CREB5: variants seen among roughly 807,000 people sequenced by gnomAD.
CREB5 encodes cAMP responsive element binding protein 5.
A neutral mutation model predicts 57.1 loss-of-function variants in CREB5; 19 were observed. The observed-to-expected ratio is 0.33, with a 90% CI of 0.23 to 0.49. The LOEUF is 0.49. Among genes scored for constraint, CREB5 ranks in the 20% least tolerant of loss-of-function variants. CREB5 has a pLI of 0.99. For missense variants in CREB5, 579 were observed against 671.6 expected (o/e 0.86, Z 1.52); for synonymous variants, 238 against 238.3 (o/e 1.00, Z 0.01).
chr7:28,772,274 G>A (rs371428414), intron 7 of CREB5, among the ~76,000 whole-genome samples: 58 of 152,222 alleles, frequency 3.8e-4, no homozygotes, highest in Non-Finnish European at 6.8e-4. Flanking sequence ...GCCGAAAACC[G>A]CTGGAAGTTG....
chr7:28,305,370 C>T (rs55989557), intron 1 of CREB5, among the ~76,000 whole-genome samples: 9,642 of 152,302 alleles, frequency 0.063, 394 homozygotes, highest in Middle Eastern at 0.11. Flanking sequence ...GGAAAACCTA[C>T]AGTCCACTAC....
chr7:28,366,005 G>C (rs1786578931), intron 1 of CREB5, among the ~76,000 whole-genome samples: 1 of 152,096 alleles, frequency 6.6e-6, no homozygotes, highest in Non-Finnish European at 1.5e-5. Context: ...CTTTTTAAAT[G>C]TGCCCAGTGA....
At chr7:28,389,377 C>A (rs80222227) in intron 1 of CREB5, among the ~76,000 whole-genome samples, 4,812 of 152,256 alleles carry the variant, frequency 0.032, 260 homozygotes, top group African/African-American at 0.11. Context: ...AAACCAACAA[C>A]AACTACGTGC....
chr7:28,603,777 T>C (rs898873336), intron 5 of CREB5, among the ~76,000 whole-genome samples: 1 of 152,334 alleles, frequency 6.6e-6, no homozygotes. Flanking sequence ...TTATAGCCAG[T>C]GGTGCTTTTA....
intron 5 of CREB5, among the ~76,000 whole-genome samples, chr7:28,715,695 A>T (rs1254074919): frequency 6.6e-6 from 1 of 152,180 alleles, no homozygotes. Flanking sequence ...TTCAAGCAAG[A>T]AACAGAGAGA....
intron 5 of CREB5, among the ~76,000 whole-genome samples, chr7:28,604,225 C>T (rs950290371): frequency 6.6e-6 from 1 of 152,174 alleles, no homozygotes; most frequent in Non-Finnish European, 1.5e-5. Flanking sequence ...GACTAGATCT[C>T]ACCACCTCTG....
intron 1 of CREB5, among the ~76,000 whole-genome samples, chr7:28,336,755 C>T (rs371166518): frequency 6.6e-6 from 1 of 151,366 alleles, no homozygotes; most frequent in Non-Finnish European, 1.5e-5. Context: ...TTTGCTCTTG[C>T]TTTTCTAGTT....
intron 1 of CREB5, among the ~76,000 whole-genome samples, chr7:28,435,199 T>C (rs996180838): frequency 1.3e-5 from 2 of 148,764 alleles, no homozygotes; most frequent in Non-Finnish European, 3.0e-5. Context: ...AACAACGAAA[T>C]GATACCTTCT....
intron 7 of CREB5, among the ~76,000 whole-genome samples, chr7:28,737,570 TATATATATATATA>T (rs1462219685): frequency 3.1e-4 from 15 of 47,978 alleles, no homozygotes; most frequent in African/African-American, 9.8e-4. Context: ...TATATATATA[TATATATATATATA>T]TATATTTTTA....
At chr7:28,790,462 TAGAG>T (rs1242699378) in intron 7 of CREB5, among the ~76,000 whole-genome samples, 10 of 33,922 alleles carry the variant, frequency 2.9e-4, no homozygotes, top group East Asian at 1.8e-3. Flanking sequence ...GAGAGAGAGA[TAGAG>T]AGAGAGAGAA....
chr7:28,474,663 T>G (rs933943025), intron 1 of CREB5, among the ~76,000 whole-genome samples: 1 of 152,178 alleles, frequency 6.6e-6, no homozygotes, highest in Admixed American at 6.5e-5. Flanking sequence ...CTTCCAAACA[T>G]TAACTTGATG....
At chr7:28,678,518 T>G (rs1051733473) in intron 5 of CREB5, among the ~76,000 whole-genome samples, 5 of 152,202 alleles carry the variant, frequency 3.3e-5, no homozygotes, top group Non-Finnish European at 5.9e-5. Flanking sequence ...TATGATCATT[T>G]TATTAAAGTT....
At chr7:28,354,311 A>G (rs1257124560) in intron 1 of CREB5, among the ~76,000 whole-genome samples, 1 of 152,170 alleles carries the variant, frequency 6.6e-6, no homozygotes, top group Admixed American at 6.5e-5. Context: ...GGTGGGCACC[A>G]TCTAATCAGC....
In CREB5 at chr7:28,671,044, G is replaced by A. The variant is rs118007425; in HGVS notation, c.465-47709G>A. Reference sequence around the variant, plus strand: ...TTTGGGAGGCTGAGGCGGGAGGATCGCTTGAGGCAAGGAGTTCGAGACTAG... The same window carrying A: ...TTTGGGAGGCTGAGGCGGGAGGATCACTTGAGGCAAGGAGTTCGAGACTAG... On this transcript the variant is annotated intron_variant, in intron 5 of 10. Transcript: ENST00000357727. Among the ~76,000 whole-genome samples, 572 of 151,980 alleles carry A rather than the reference G, an allele frequency of 3.8e-3. 1 individual carries two copies. Among genetic ancestry groups the A allele is most frequent in the Non-Finnish European group, 4.4e-3 (298 of 67,982 alleles).
intron 4 of CREB5, among the ~76,000 whole-genome samples, chr7:28,543,802 C>T (rs1036691021): frequency 1.3e-5 from 2 of 151,766 alleles, no homozygotes; most frequent in African/African-American, 2.4e-5. Context: ...TGAGGCTGGT[C>T]GGAGTCCACA....
intron 4 of CREB5, among the ~76,000 whole-genome samples, chr7:28,530,979 C>A (rs1291947453): frequency 1.3e-5 from 2 of 152,162 alleles, no homozygotes; most frequent in East Asian, 3.9e-4. Flanking sequence ...GATCAGGAAA[C>A]CTTGACTGTC....
chr7:28,404,501 G>A (rs1330722241), intron 1 of CREB5, among the ~76,000 whole-genome samples: 1 of 152,100 alleles, frequency 6.6e-6, no homozygotes, highest in Non-Finnish European at 1.5e-5. Flanking sequence ...GTGCTCCTGA[G>A]GCATCATGAG....
intron 4 of CREB5, among the ~76,000 whole-genome samples, chr7:28,560,977 T>TGTGCGCGTGCGTGTGTGC (rs1795225504): frequency 2.0e-5 from 1 of 48,988 alleles, no homozygotes; most frequent in African/African-American, 6.4e-5. Flanking sequence ...TGTGTGCGTG[T>TGTGCGCGTGCGTGTGTGC]GTGCGTGCGT....
chr7:28,522,400 T>TG (rs969149004), intron 4 of CREB5, among the ~76,000 whole-genome samples: 11 of 148,882 alleles, frequency 7.4e-5, no homozygotes, highest in African/African-American at 2.0e-4. Flanking sequence ...GTTTTTTTTT[T>TG]TTTTTTTTTT....
Sources: allele counts gnomAD v4.1 joint callset (sites outside exome capture counted in the v4.1 genomes callset), GRCh38; gene constraint gnomAD v4.1.1; transcripts MANE v1.5; gene names NCBI Gene and HGNC (gene_info 2026-07-23, HGNC 2026-07-21).